The following ZZZ3 variants were observed in gnomAD, a reference collection of about 807,000 sequenced individuals.
ZZZ3 encodes the protein ZZ-type zinc finger-containing protein 3.
Under a neutral mutation model 95.2 loss-of-function variants are expected in ZZZ3, and 22 were observed. The observed-to-expected ratio is 0.23, with a 90% CI of 0.17 to 0.33. The LOEUF (loss-of-function observed/expected upper bound fraction) is 0.33, where lower values mean the gene tolerates loss of function less well. ZZZ3 is among the 10% of genes least tolerant of loss of function. ZZZ3 has a pLI of 1.00. For missense variants in ZZZ3, 885 were observed against 1,066.5 expected, an observed-to-expected ratio of 0.83 and a Z score of 2.37; for synonymous variants, 335 against 358.9, an observed-to-expected ratio of 0.93 and a Z score of 0.75.
intron 1 of ZZZ3, among the ~76,000 whole-genome samples, chr1:77,678,512 T>A (rs1672472045): frequency 1.3e-5 from 2 of 152,192 alleles, no homozygotes; most frequent in South Asian, 4.1e-4. Context: ...TAAAAGTTCA[T>A]TATTAAAGTT....
At chr1:77,587,982 A>G (rs181785909) in intron 5 of ZZZ3, among the ~76,000 whole-genome samples, 3 of 152,348 alleles carry the variant, frequency 2.0e-5, no homozygotes, top group Admixed American at 2.0e-4. Flanking sequence ...TTGTTGAAGG[A>G]ATACAGTATA....
At chr1:77,656,169 C>G (rs1004263977) in intron 1 of ZZZ3, among the ~76,000 whole-genome samples, 2 of 152,142 alleles carry the variant, frequency 1.3e-5, no homozygotes. Flanking sequence ...TATTTTATAG[C>G]TGCCTAACTG....
intron 5 of ZZZ3, among the ~76,000 whole-genome samples, chr1:77,614,496 A>C (rs902112100): frequency 2.6e-5 from 4 of 152,186 alleles, no homozygotes; most frequent in Admixed American, 6.5e-5. Flanking sequence ...TTTCTTTTTA[A>C]ATCCCCTATA....
rs79748654 is a variant in ZZZ3, at chr1:77,680,018, C to T, written c.-403+2567G>A. The stretch of plus-strand genomic sequence containing the variant: ...TTAAAGGCCCAGTTACCAAGCTAAA[C>T]TTATGTAGATACCTTTGCAAAGGCC... On this transcript the variant is annotated intron_variant, in intron 1 of 14. Transcript: ENST00000370801. 5.8e-3 allele frequency among the ~76,000 whole-genome samples: 889 copies of T among 152,320 alleles called. 10 individuals carry two copies. The highest frequency in any genetic ancestry group is 0.021 in the African/African-American group (860 of 41,568).
intron 5 of ZZZ3, among the ~76,000 whole-genome samples, chr1:77,621,407 C>T (rs1223758556): frequency 2.0e-5 from 3 of 149,152 alleles, no homozygotes; most frequent in Non-Finnish European, 4.4e-5. Context: ...TGTGTCACTG[C>T]ACTTGAGCCT....
At chr1:77,674,780 C>A (rs1672105905) in intron 1 of ZZZ3, among the ~76,000 whole-genome samples, 1 of 151,686 alleles carries the variant, frequency 6.6e-6, no homozygotes, top group Non-Finnish European at 1.5e-5. Context: ...GGCAAAACCC[C>A]GTCTCTACTA....
Position 77,660,121 on chromosome 1 carries a change from T to G in ZZZ3, c.-402-18466A>C, listed in dbSNP as rs1267754528. Among the ~76,000 whole-genome samples, 5 of 152,288 alleles carry G rather than the reference T, an allele frequency of 3.3e-5. No homozygotes were observed. In the South Asian group the frequency reaches 1.0e-3, roughly 32 times the overall value. ...AGCTGGGATTACAGGCATGAGCCACTGTGCCTGGCTGACATTTCATTTTCT... is the reference window on the plus strand; with the variant it reads ...AGCTGGGATTACAGGCATGAGCCACGGTGCCTGGCTGACATTTCATTTTCT... On this transcript the variant is annotated intron_variant, in intron 1 of 14. Transcript: ENST00000370801.
chr1:77,643,937 C>G (rs1669012942), intron 1 of ZZZ3, among the ~76,000 whole-genome samples: 1 of 152,058 alleles, frequency 6.6e-6, no homozygotes, highest in Admixed American at 6.5e-5. Flanking sequence ...TGATTCTTCA[C>G]TTGTTGTAAG....
chr1:77,632,797 C>T lies in ZZZ3; in HGVS notation c.558G>A (p.Gly186=), dbSNP rs1380456982. The T allele has an allele frequency of 1.9e-6, 3 of 1,614,050 alleles. No homozygotes were observed. The highest frequency in any genetic ancestry group is 2.5e-6 in the Non-Finnish European group (3 of 1,180,036). The change falls in exon 5 of 15, where the codon GGG becomes GGA. Residue 186 remains glycine, a synonymous_variant. Coordinates refer to ENST00000370801, the MANE Select transcript of ZZZ3 (RefSeq NM_015534.6). ...CTTCAACTACTGCAGAATTAAGTGG[C>T]CCTTCCTCACTGACATTCACCTTTT... ...EIKKVNVSEE[G]PLNSAVVEEI...
intron 5 of ZZZ3, among the ~76,000 whole-genome samples, chr1:77,589,517 G>GA (rs1178577481): frequency 6.6e-6 from 1 of 151,480 alleles, no homozygotes; most frequent in Non-Finnish European, 1.5e-5. Context: ...AGCTCACTGC[G>GA]GCCTCAAACT....
rs908423521 is a variant in ZZZ3 at position 77,592,334 on chromosome 1, G to A, written c.1506-7679C>T. On this transcript the variant is annotated intron_variant, in intron 5 of 14. Coordinates refer to ENST00000370801, the MANE Select transcript of ZZZ3 (RefSeq NM_015534.6). The stretch of plus-strand genomic sequence containing the variant: ...GAATAGCTCACATTAAAAAAGTTTC[G>A]CTCTGTCCCCCAGGATAGAGTGCAG... 1.2e-4 allele frequency among the ~76,000 whole-genome samples: 18 copies of A among 152,146 alleles called. No individual in the cohort carries two copies. In the South Asian group the frequency reaches 3.1e-3, roughly 26 times the overall value.
intron 5 of ZZZ3, among the ~76,000 whole-genome samples, chr1:77,591,046 T>G (rs1663637004): frequency 6.6e-6 from 1 of 152,170 alleles, no homozygotes; most frequent in Admixed American, 6.5e-5. Context: ...GAACAAAAAG[T>G]CTTCATTATA....
intron 5 of ZZZ3, among the ~76,000 whole-genome samples, chr1:77,591,495 C>G (rs1417942517): frequency 6.6e-6 from 1 of 152,126 alleles, no homozygotes; most frequent in African/African-American, 2.4e-5. Context: ...GCGCATAGCA[C>G]CATGCCTGGC....
chr1:77,565,531 G>A lies in ZZZ3; in HGVS notation c.*109C>T. ...AACACTCAGGAAGCTCTCATGCTGT[G>A]AGTGTCATTTCTGGGAAAGCAGAGA... On this transcript the variant is annotated 3_prime_UTR_variant, in exon 15 of 15. Transcript: ENST00000370801. 1.6e-6 allele frequency: 2 copies of A among 1,215,396 alleles called. No homozygotes were observed. The highest frequency in any genetic ancestry group is 2.9e-5 in the South Asian group (2 of 68,892). The allele number at this position is 1,215,396 out of a possible 1,614,324, so 75.3% of individuals were successfully genotyped here.
rs745924927 is a variant in ZZZ3 at position 77,639,431 on chromosome 1, C to T, written c.-52+18G>A. ...CAAACTATAGCTGTCTTCACTACTG[C>T]AAAACTAAATAACTTACCTGTACAA... On this transcript the variant is annotated intron_variant, in intron 4 of 14. Transcript: ENST00000370801. 1.3e-6 allele frequency: 2 copies of T among 1,506,146 alleles called. No homozygotes were observed. The highest frequency in any genetic ancestry group is 2.7e-5 in the South Asian group (2 of 74,794). 93.3% of individuals were successfully genotyped at this position (1,506,146 alleles called of 1,614,324 possible). A position where few individuals can be genotyped will look rare whatever the true frequency, so the allele number is the denominator to read the frequency against.
chr1:77,565,891 C>A, intron 14 of ZZZ3, 107 bp from the exon 15 acceptor site: 1 of 1,267,570 alleles, frequency 7.9e-7, no homozygotes. Context: ...ATTAATCTAT[C>A]AAAATCTCCA....
chr1:77,578,702 G>A, intron 11 of ZZZ3, 72 bp downstream of exon 11: 1 of 871,348 alleles, frequency 1.1e-6, no homozygotes, highest in South Asian at 2.7e-5. Context: ...TGTCAAATGT[G>A]TAGATTTTTA....
At chr1:77,649,332 G>T (rs1669590870) in intron 1 of ZZZ3, among the ~76,000 whole-genome samples, 3 of 151,582 alleles carry the variant, frequency 2.0e-5, no homozygotes, top group Admixed American at 1.3e-4. Context: ...CCAGAAAACA[G>T]TGAGGTATAT....
chr1:77,644,216 C>T (rs768228118), intron 1 of ZZZ3, among the ~76,000 whole-genome samples: 3 of 152,108 alleles, frequency 2.0e-5, no homozygotes, highest in Admixed American at 6.5e-5. Context: ...CAGGCGCCTG[C>T]CACCACGCCC....
Sources: gnomAD v4.1 joint callset for allele counts (sites outside exome capture counted in the v4.1 genomes callset) on GRCh38, gnomAD v4.1.1 for gene constraint, MANE v1.5 for transcripts, NCBI Gene and HGNC (gene_info 2026-07-23, HGNC 2026-07-21) for gene names.